Variants in CES1 observed in about 807,000 individuals in gnomAD.
CES1 encodes the protein liver carboxylesterase 1.
Under a neutral mutation model 53.0 loss-of-function variants are expected in CES1, and 50 were observed. The observed-to-expected ratio is 0.94, with a 90% confidence interval of 0.75 to 1.19. The LOEUF is 1.19. Ranked by LOEUF, CES1 falls within the 50% of genes most tolerant of loss-of-function variation. CES1 has a pLI of 0.00. For missense variants in CES1, 534 were observed against 538.0 expected (o/e 0.99, Z 0.07); for synonymous variants, 202 against 210.1 (o/e 0.96, Z 0.33).
intron 5 of CES1, among the ~76,000 whole-genome samples, 172 bp downstream of exon 5, chr16:55,821,196 A>C (rs1289075530): frequency 1.3e-5 from 2 of 151,806 alleles, no homozygotes; most frequent in East Asian, 3.8e-4. Context: ...CCTGGGGGCC[A>C]AGGAGAGCTG....
At chr16:55,825,533 T>C (rs2032383110) in intron 3 of CES1, among the ~76,000 whole-genome samples, 1 of 152,262 alleles carries the variant, frequency 6.6e-6, no homozygotes, top group Non-Finnish European at 1.5e-5. Context: ...TCCCAGCTAT[T>C]TGGCCAAAGG....
rs2031719749 is a variant in CES1 at position 55,811,995 on chromosome 16, T to C, written c.1086+908A>G. Among the ~76,000 whole-genome samples, 4 of 152,166 alleles carry C rather than the reference T, an allele frequency of 2.6e-5. No individual in the cohort carries two copies. In the South Asian group the frequency reaches 8.3e-4, roughly 32 times the overall value. The stretch of plus-strand genomic sequence containing the variant: ...GGATGAAGACATCCAGGTGGTCTAG[T>C]CACATGAACCAAGCCTCTCCCCATA... On this transcript the variant is annotated intron_variant, in intron 9 of 13. Coordinates refer to ENST00000360526, the MANE Select transcript of CES1 (RefSeq NM_001025195.2).
intron 1 of CES1, among the ~76,000 whole-genome samples, chr16:55,832,097 G>T (rs2032706636): frequency 6.6e-6 from 1 of 152,162 alleles, no homozygotes; most frequent in Admixed American, 6.5e-5. Flanking sequence ...AATCATGCCA[G>T]GGCTAGGTAC....
At position 55,813,045 on chromosome 16, in the gene CES1, T is replaced by C; in HGVS notation, c.946-2A>G. On this transcript the variant is annotated splice_acceptor_variant, in intron 8 of 13. Transcript: ENST00000360526. LOFTEE classifies it high-confidence loss of function. ...CACAGTGCCCAGAAGGGGTTGACTC[T>C]GGGGAGAGAGCAGTGCAGCACCTGT... The C allele has an allele frequency of 1.2e-6, 2 of 1,613,918 alleles. No individual in the cohort carries two copies. The highest frequency in any genetic ancestry group is 1.7e-6 in the Non-Finnish European group (2 of 1,179,858).
At chr16:55,809,582 G>A (rs1490337632) in intron 11 of CES1, among the ~76,000 whole-genome samples, 1 of 152,186 alleles carries the variant, frequency 6.6e-6, no homozygotes, top group Admixed American at 6.5e-5. Flanking sequence ...ACAGCCTTGG[G>A]TCAGTGGTAG....
At chr16:55,815,142 A>G (rs1408475853) in intron 8 of CES1, among the ~76,000 whole-genome samples, 17 of 152,268 alleles carry the variant, frequency 1.1e-4, no homozygotes, top group Non-Finnish European at 2.1e-4. Context: ...GGTAAATTCC[A>G]GAAACAACCA....
At chr16:55,812,590 C>T (rs1372774454) in intron 9 of CES1, among the ~76,000 whole-genome samples, 17 of 152,150 alleles carry the variant, frequency 1.1e-4, no homozygotes, top group Admixed American at 3.9e-4. Flanking sequence ...CCACTCCTTC[C>T]CCCTTCTAGG....
chr16:55,830,689 G>A (rs1209263911), intron 1 of CES1, among the ~76,000 whole-genome samples: 1 of 151,560 alleles, frequency 6.6e-6, no homozygotes, highest in Admixed American at 6.6e-5. Flanking sequence ...TGTAATCCTG[G>A]CTCCTCCAGA....
intron 7 of CES1, among the ~76,000 whole-genome samples, chr16:55,818,022 C>T (rs574924941): frequency 6.6e-5 from 10 of 152,318 alleles, no homozygotes; most frequent in African/African-American, 2.4e-4. Flanking sequence ...CACTTAGAGC[C>T]TGAGCCAAGA....
intron 2 of CES1, 98 bp from the exon 3 acceptor site, chr16:55,826,393 T>C: frequency 7.0e-7 from 1 of 1,426,996 alleles, no homozygotes; most frequent in Non-Finnish European, 9.9e-7. Flanking sequence ...AGCCTGGAAA[T>C]GGACTTGATA....
chr16:55,824,367 A>C (rs2032337131), intron 3 of CES1, among the ~76,000 whole-genome samples: 1 of 152,290 alleles, frequency 6.6e-6, no homozygotes, highest in Admixed American at 6.5e-5. Context: ...GCATTTTAAA[A>C]GTCCACATAG....
At chr16:55,813,377 C>A (rs2031791427) in intron 8 of CES1, among the ~76,000 whole-genome samples, 1 of 152,090 alleles carries the variant, frequency 6.6e-6, no homozygotes, top group South Asian at 2.1e-4. Context: ...TTTCGGTAGT[C>A]CTGGCAGTTG....
intron 8 of CES1, among the ~76,000 whole-genome samples, chr16:55,816,338 T>G (rs538417119): frequency 1.3e-5 from 2 of 152,396 alleles, no homozygotes; most frequent in Admixed American, 6.5e-5. Context: ...ATGAATCTCA[T>G]GTACTCCGCC....
chr16:55,811,849 C>T (rs74711450), intron 9 of CES1, among the ~76,000 whole-genome samples: 1 of 152,218 alleles, frequency 6.6e-6, no homozygotes, highest in Non-Finnish European at 1.5e-5. Context: ...GAGCTCACTC[C>T]TGATCTTCCC....
chr16:55,814,436 A>G (rs1183794261), intron 8 of CES1, among the ~76,000 whole-genome samples: 1 of 152,236 alleles, frequency 6.6e-6, no homozygotes, highest in Admixed American at 6.5e-5. Context: ...AACCAGATTA[A>G]CTGCATCTGA....
intron 1 of CES1, among the ~76,000 whole-genome samples, chr16:55,829,430 T>C (rs2032553727): frequency 6.6e-6 from 1 of 152,184 alleles, no homozygotes; most frequent in Admixed American, 6.5e-5. Flanking sequence ...CTGGGAGAGG[T>C]ACCCATAAGG....
chr16:55,825,316 C>T (rs763558430), intron 3 of CES1, among the ~76,000 whole-genome samples: 6 of 152,210 alleles, frequency 3.9e-5, no homozygotes, highest in African/African-American at 7.2e-5. Context: ...CACCATGCCA[C>T]GGTGCCCCTG....
At chr16:55,811,204 A>C (rs1171396615) in intron 9 of CES1, among the ~76,000 whole-genome samples, 194 bp from the exon 10 acceptor site, 1 of 109,578 alleles carries the variant, frequency 9.1e-6, no homozygotes, top group Non-Finnish European at 2.0e-5. Context: ...AGCATTGCAA[A>C]GTTTACAAAA....
intron 9 of CES1, among the ~76,000 whole-genome samples, chr16:55,812,083 A>T (rs556004530): frequency 4.6e-5 from 7 of 152,268 alleles, no homozygotes; most frequent in South Asian, 2.1e-4. Context: ...TGTTTCAGGG[A>T]TGTGAGTCCA....
Sources: gnomAD v4.1 joint callset for allele counts (sites outside exome capture counted in the v4.1 genomes callset) on GRCh38, gnomAD v4.1.1 for gene constraint, MANE v1.5 for transcripts, NCBI Gene and HGNC (gene_info 2026-07-23, HGNC 2026-07-21) for gene names.